Variants in PELI2 observed in about 807,000 individuals in gnomAD.
PELI2 encodes E3 ubiquitin-protein ligase pellino homolog 2.
Under a neutral mutation model 42.3 loss-of-function variants are expected in PELI2, and 23 were observed. The observed-to-expected ratio is 0.54, with a 90% CI of 0.39 to 0.77. PELI2 has a LOEUF of 0.77. Among genes scored for constraint, PELI2 ranks in the 30% least tolerant of loss-of-function variants. The pLI is 0.00. For missense variants in PELI2, 463 were observed against 553.2 expected (o/e 0.84, Z 1.64); for synonymous variants, 245 against 212.2 (o/e 1.15, Z -1.34).
intron 5 of PELI2, among the ~76,000 whole-genome samples, chr14:56,296,269 T>A (rs1052466147): frequency 2.0e-5 from 3 of 152,214 alleles, no homozygotes; most frequent in Admixed American, 2.0e-4. Context: ...AGTGAGTCAT[T>A]GTGTTACTGA....
chr14:56,232,115 T>C (rs1887600946), intron 2 of PELI2, among the ~76,000 whole-genome samples: 1 of 152,068 alleles, frequency 6.6e-6, no homozygotes, highest in Non-Finnish European at 1.5e-5. Context: ...TGGCAATAAT[T>C]AATAGCTTAC....
intron 2 of PELI2, among the ~76,000 whole-genome samples, chr14:56,223,393 C>G (rs1023260039): frequency 6.6e-6 from 1 of 152,172 alleles, no homozygotes; most frequent in African/African-American, 2.4e-5. Context: ...CCCCTTGACT[C>G]ATATGGGGGT....
At chr14:56,187,898 A>G (rs751283961) in intron 2 of PELI2, among the ~76,000 whole-genome samples, 3 of 152,206 alleles carry the variant, frequency 2.0e-5, no homozygotes, top group South Asian at 4.1e-4. Flanking sequence ...GCCCTGCAGG[A>G]TCGCCGTGCT....
At chr14:56,235,694 C>T (rs1887768955) in intron 2 of PELI2, among the ~76,000 whole-genome samples, 1 of 152,220 alleles carries the variant, frequency 6.6e-6, no homozygotes, top group African/African-American at 2.4e-5. Flanking sequence ...AAATCCGTAT[C>T]TTTCAATTTT....
intron 2 of PELI2, among the ~76,000 whole-genome samples, chr14:56,200,745 A>G (rs1163449495): frequency 6.6e-6 from 1 of 152,210 alleles, no homozygotes; most frequent in Non-Finnish European, 1.5e-5. Flanking sequence ...TCTCCTTCTT[A>G]AAGTTCCTGT....
intron 2 of PELI2, among the ~76,000 whole-genome samples, chr14:56,243,701 T>C (rs1356051189): frequency 6.6e-6 from 1 of 152,154 alleles, no homozygotes; most frequent in Non-Finnish European, 1.5e-5. Flanking sequence ...GATCAGTACC[T>C]CAGAAGTGGT....
At chr14:56,222,903 G>A (rs1298283688) in intron 2 of PELI2, among the ~76,000 whole-genome samples, 2 of 152,222 alleles carry the variant, frequency 1.3e-5, no homozygotes, top group Non-Finnish European at 2.9e-5. Flanking sequence ...AGTGGGCGAA[G>A]GTGTTGATGG....
intron 5 of PELI2, among the ~76,000 whole-genome samples, chr14:56,290,665 G>C (rs1277133791): frequency 6.6e-6 from 1 of 152,124 alleles, no homozygotes; most frequent in East Asian, 1.9e-4. Context: ...CCCATAGTGG[G>C]AGTAAATTGT....
chr14:56,238,082 A>T (rs1887858231), intron 2 of PELI2, among the ~76,000 whole-genome samples: 1 of 151,764 alleles, frequency 6.6e-6, no homozygotes, highest in Admixed American at 6.6e-5. Context: ...TTTCTTGAAT[A>T]GAAAATTATC....
intron 2 of PELI2, among the ~76,000 whole-genome samples, chr14:56,184,779 C>G (rs1885708306): frequency 6.6e-6 from 1 of 151,870 alleles, no homozygotes; most frequent in African/African-American, 2.4e-5. Context: ...CTTGGTTTGC[C>G]CATTGTTTTA....
In PELI2 at chr14:56,232,692, C is replaced by G. The variant is rs188142429; in HGVS notation, c.208-46984C>G. On this transcript the variant is annotated intron_variant, in intron 2 of 5. Transcript: ENST00000267460. ...AAACTGGAAGCATTCCCTTTGAAAACTGGCACAAGACAGGGATGCCCTCTC... is the reference window on the plus strand; with the variant it reads ...AAACTGGAAGCATTCCCTTTGAAAAGTGGCACAAGACAGGGATGCCCTCTC... Among the ~76,000 whole-genome samples the G allele has an allele frequency of 1.1e-4, 16 of 149,610 alleles. 1 individual carries two copies. The highest frequency in any genetic ancestry group is 3.4e-3 in the Middle Eastern group (1 of 290).
At chr14:56,171,325 A>G (rs773299146) in intron 1 of PELI2, among the ~76,000 whole-genome samples, 80 of 152,302 alleles carry the variant, frequency 5.3e-4, no homozygotes, top group Non-Finnish European at 9.7e-4. Flanking sequence ...TCTCTCTGGT[A>G]CACATGCTCT....
intron 1 of PELI2, among the ~76,000 whole-genome samples, chr14:56,121,832 G>C (rs1049959681): frequency 6.6e-6 from 1 of 152,146 alleles, no homozygotes; most frequent in African/African-American, 2.4e-5. Flanking sequence ...GTTCATTGGC[G>C]CAAATGTAGA....
rs1452544903 is a variant in PELI2, at chr14:56,301,044, C to G, written c.*3878C>G. The G allele has an allele frequency of 6.6e-6, 1 of 152,224 alleles. No homozygotes were observed. Among genetic ancestry groups the G allele is most frequent in the Non-Finnish European group, 1.5e-5 (1 of 68,004 alleles). 9.4% of individuals were successfully genotyped at this position (152,224 alleles called of 1,614,324 possible). On this transcript the variant is annotated 3_prime_UTR_variant, in exon 6 of 6. Coordinates refer to ENST00000267460, the MANE Select transcript of PELI2 (RefSeq NM_021255.3). The stretch of plus-strand genomic sequence containing the variant: ...GTTTCTAAACAAACAAAAATAAACT[C>G]AATGAAAGGAAAGATGTTTCTTTTT...
chr14:56,281,515 A>G (rs1166224600), intron 3 of PELI2, among the ~76,000 whole-genome samples: 1 of 152,112 alleles, frequency 6.6e-6, no homozygotes, highest in Non-Finnish European at 1.5e-5. Context: ...CCTAATCTGG[A>G]TCACCTAATT....
Position 56,245,483 on chromosome 14 carries a change from T to C in PELI2, c.208-34193T>C, listed in dbSNP as rs573339464. Among the ~76,000 whole-genome samples, 9 of 152,336 alleles carry C rather than the reference T, an allele frequency of 5.9e-5. No homozygotes were observed. In the East Asian group the frequency reaches 1.7e-3, roughly 29 times the overall value. ...AAATTATTAATTTTATAATTATCTATCTGCATGTCTACAATATGCCCATTA... is the reference window on the plus strand; with the variant it reads ...AAATTATTAATTTTATAATTATCTACCTGCATGTCTACAATATGCCCATTA... On this transcript the variant is annotated intron_variant, in intron 2 of 5. Coordinates refer to ENST00000267460, the MANE Select transcript of PELI2 (RefSeq NM_021255.3).
chr14:56,255,116 C>T (rs577507879), intron 2 of PELI2, among the ~76,000 whole-genome samples: 69 of 152,278 alleles, frequency 4.5e-4, no homozygotes, highest in African/African-American at 1.6e-3. Flanking sequence ...TACCATTTGA[C>T]CCAGCAATCC....
At chr14:56,239,956 T>G (rs1887917955) in intron 2 of PELI2, among the ~76,000 whole-genome samples, 1 of 151,186 alleles carries the variant, frequency 6.6e-6, no homozygotes, top group African/African-American at 2.4e-5. Flanking sequence ...CAGAAAAGAG[T>G]AGGATTTGGA....
At chr14:56,156,091 G>A (rs1003376837) in intron 1 of PELI2, among the ~76,000 whole-genome samples, 44 of 151,984 alleles carry the variant, frequency 2.9e-4, no homozygotes, top group African/African-American at 1.0e-3. Context: ...CTTTAATTAC[G>A]TGAAATAAAT....
Sources: gnomAD v4.1 joint callset for allele counts (sites outside exome capture counted in the v4.1 genomes callset) on GRCh38, gnomAD v4.1.1 for gene constraint, MANE v1.5 for transcripts, NCBI Gene and HGNC (gene_info 2026-07-23, HGNC 2026-07-21) for gene names.